The following EGFL6 variants were observed in gnomAD, a reference collection of about 807,000 sequenced individuals.
The protein encoded by EGFL6 is epidermal growth factor-like protein 6.
Under a neutral mutation model 43.1 loss-of-function variants are expected in EGFL6, and 42 were observed. The ratio of observed to expected loss-of-function variants is 0.98; its 90% CI spans 0.76 to 1.26. The LOEUF (loss-of-function observed/expected upper bound fraction) is 1.26. EGFL6 is among the 50% of genes most tolerant of loss of function. The pLI is 0.00. For missense variants in EGFL6, 429 were observed against 427.8 expected, an observed-to-expected ratio of 1.00 and a Z score of -0.02; for synonymous variants, 164 against 163.2, an observed-to-expected ratio of 1.01 and a Z score of -0.04.
intron 5 of EGFL6, among the ~76,000 whole-genome samples, chrX:13,605,007 A>C (rs2045652107): frequency 9.2e-6 from 1 of 108,663 alleles, no homozygotes; most frequent in South Asian, 4.2e-4. Flanking sequence ...CTCTACTCTG[A>C]GAATAATCAA....
intron 2 of EGFL6, among the ~76,000 whole-genome samples, chrX:13,594,491 G>A (rs2045585461): frequency 8.9e-6 from 1 of 112,010 alleles, no homozygotes; most frequent in African/African-American, 3.2e-5. Flanking sequence ...AAAGAGAAAT[G>A]GAGAAAATAT....
intron 11 of EGFL6, among the ~76,000 whole-genome samples, chrX:13,632,347 G>A (rs1403272191): frequency 6.2e-5 from 6 of 97,413 alleles, no homozygotes; most frequent in African/African-American, 2.4e-4. Flanking sequence ...TGTCGCCCAG[G>A]CTGGAGTGCA....
intron 2 of EGFL6, among the ~76,000 whole-genome samples, chrX:13,594,395 G>A (rs1014046518): frequency 3.6e-4 from 40 of 111,507 alleles, no homozygotes; most frequent in African/African-American, 1.1e-3. Flanking sequence ...CATCCTTAGG[G>A]CTAGAAGCAG....
rs1353577302 is a variant in EGFL6 at position 13,619,108 on chromosome X, C to T, written c.1103-55C>T. The T allele has an allele frequency of 3.1e-6, 3 of 957,602 alleles. No homozygotes were observed. In the East Asian group the frequency reaches 9.2e-5, roughly 29 times the overall value. 78.9% of individuals were successfully genotyped at this position (957,602 alleles called of 1,213,427 possible). On this transcript the variant is annotated intron_variant, in intron 8 of 11. Coordinates refer to ENST00000361306, the MANE Select transcript of EGFL6 (RefSeq NM_015507.4). ...TGTTTGGTCATTTGATTGATACCTTCTGAGCATGTGGGCTTTAAGGTTTTT... is the reference window on the plus strand; with the variant it reads ...TGTTTGGTCATTTGATTGATACCTTTTGAGCATGTGGGCTTTAAGGTTTTT...
At chrX:13,584,373 G>A (rs934639853) in intron 1 of EGFL6, among the ~76,000 whole-genome samples, 5 of 111,612 alleles carry the variant, frequency 4.5e-5, no homozygotes, top group Non-Finnish European at 9.4e-5. Flanking sequence ...CCTGCTCTTT[G>A]GTCCATCTCT....
At chrX:13,596,461 C>G (rs1326540701) in intron 3 of EGFL6, 2 of 112,448 alleles carry the variant, frequency 1.8e-5, no homozygotes, top group East Asian at 5.6e-4. Flanking sequence ...CACCTCCAAA[C>G]AAGCTCTCAA....
At chrX:13,593,125 G>A (rs1040966811) in intron 2 of EGFL6, among the ~76,000 whole-genome samples, 1 of 109,790 alleles carries the variant, frequency 9.1e-6, no homozygotes, top group Non-Finnish European at 1.9e-5. Context: ...ATGTTGGCCG[G>A]GCTGGTCTCA....
At chrX:13,623,563 G>A (rs899919143) in intron 9 of EGFL6, among the ~76,000 whole-genome samples, 23 of 106,199 alleles carry the variant, frequency 2.2e-4, no homozygotes, top group Middle Eastern at 4.8e-3. Flanking sequence ...TAGTAGAGAC[G>A]GAGTTTCACC....
At chrX:13,605,852 C>T (rs760673828) in intron 5 of EGFL6, among the ~76,000 whole-genome samples, 3 of 112,332 alleles carry the variant, frequency 2.7e-5, no homozygotes, top group Non-Finnish European at 5.6e-5. Flanking sequence ...AAGTGCATGC[C>T]TTCACAACCA....
intron 9 of EGFL6, among the ~76,000 whole-genome samples, chrX:13,619,949 A>G (rs1407409863): frequency 9.0e-6 from 1 of 111,649 alleles, no homozygotes; most frequent in East Asian, 2.8e-4. Flanking sequence ...CAGGAAAGAG[A>G]GCAGCAGCAC....
intron 7 of EGFL6, among the ~76,000 whole-genome samples, chrX:13,612,234 G>C (rs1348896151): frequency 9.2e-6 from 1 of 108,765 alleles, no homozygotes; most frequent in African/African-American, 3.4e-5. Context: ...TTGAGATTAG[G>C]GAGTGGTGAT....
At chrX:13,597,768 A>C (rs1179346593) in intron 3 of EGFL6, among the ~76,000 whole-genome samples, 6 of 108,352 alleles carry the variant, frequency 5.5e-5, no homozygotes, top group Non-Finnish European at 1.1e-4. Flanking sequence ...TGGGCAACAG[A>C]GCGAGACTCC....
intron 1 of EGFL6, among the ~76,000 whole-genome samples, chrX:13,574,445 A>G (rs2045459729): frequency 8.9e-6 from 1 of 112,176 alleles, no homozygotes; most frequent in Admixed American, 9.4e-5. Flanking sequence ...GGGGCAGGAC[A>G]TGCAGGTATC....
At chrX:13,581,891 T>C (rs1446454497) in intron 1 of EGFL6, among the ~76,000 whole-genome samples, 1 of 111,222 alleles carries the variant, frequency 9.0e-6, no homozygotes, top group Non-Finnish European at 1.9e-5. Flanking sequence ...TACATTAGCA[T>C]TTCCCTGTCT....
At chrX:13,597,364 G>A (rs192798230) in intron 3 of EGFL6, among the ~76,000 whole-genome samples, 1 of 111,733 alleles carries the variant, frequency 8.9e-6, no homozygotes, top group Non-Finnish European at 1.9e-5. Flanking sequence ...GCCGCTCTTT[G>A]AGCTGCCAGC....
chrX:13,623,376 G>GTTTTTATTT (rs1569209997), intron 9 of EGFL6, among the ~76,000 whole-genome samples: 1 of 41,033 alleles, frequency 2.4e-5, no homozygotes, highest in Admixed American at 2.6e-4. Flanking sequence ...TTTTATTTTG[G>GTTTTTATTT]GTTTTTTTTT....
intron 1 of EGFL6, among the ~76,000 whole-genome samples, chrX:13,584,369 CT>C (rs781536715): frequency 4.5e-5 from 5 of 111,959 alleles, no homozygotes; most frequent in Non-Finnish European, 9.4e-5. Context: ...CCTTCCTGCT[CT>C]TTGGTCCATC....
chrX:13,627,048 T>A lies in EGFL6; in HGVS notation c.1323T>A (p.Gly441=), dbSNP rs139631408. The change falls in exon 11 of 12, where the codon GGT becomes GGA. Residue 441 remains glycine, a synonymous_variant. Coordinates refer to ENST00000361306, the MANE Select transcript of EGFL6 (RefSeq NM_015507.4). The part of the protein sequence containing the change: ...GFYMAVPALA[G]HKKDIGRLKL... Reference sequence around the variant, plus strand: ...ATATGGCAGTTCCGGCCTTGGCAGGTCACAAGAAAGACATTGGCCGATTGA... The same window carrying A: ...ATATGGCAGTTCCGGCCTTGGCAGGACACAAGAAAGACATTGGCCGATTGA... The A allele has an allele frequency of 2.6e-5, 32 of 1,210,655 alleles. No individual in the cohort carries two copies. The African/African-American group carries it at 5.4e-4, about 20-fold the overall frequency.
At chrX:13,584,517 A>G (rs1259235696) in intron 1 of EGFL6, among the ~76,000 whole-genome samples, 1 of 111,681 alleles carries the variant, frequency 9.0e-6, no homozygotes, top group East Asian at 2.8e-4. Flanking sequence ...CTCCTCACCC[A>G]AATATCCAAC....
Sources: gnomAD v4.1 joint callset for allele counts (sites outside exome capture counted in the v4.1 genomes callset) on GRCh38, gnomAD v4.1.1 for gene constraint, MANE v1.5 for transcripts, NCBI Gene and HGNC (gene_info 2026-07-23, HGNC 2026-07-21) for gene names.